Variants in ATP7B observed in about 807,000 individuals in gnomAD.
ATP7B encodes the protein copper-transporting ATPase 2.
Under a neutral mutation model 118.9 loss-of-function variants are expected in ATP7B, and 113 were observed. The ratio of observed to expected loss-of-function variants is 0.95; its 90% CI spans 0.82 to 1.11. The LOEUF (loss-of-function observed/expected upper bound fraction) is 1.11, where lower values mean the gene tolerates loss of function less well. ATP7B is among the 50% of genes most tolerant of loss of function. The pLI is 0.00. For missense variants in ATP7B, 1,867 were observed against 1,871.4 expected, an observed-to-expected ratio of 1.00 and a Z score of 0.04; for synonymous variants, 777 against 727.4, an observed-to-expected ratio of 1.07 and a Z score of -1.10.
intron 2 of ATP7B, among the ~76,000 whole-genome samples, chr13:51,971,753 G>C (rs1951853570): frequency 6.6e-6 from 1 of 152,256 alleles, no homozygotes; most frequent in African/African-American, 2.4e-5. Flanking sequence ...ACTCCCTTCA[G>C]CAGTAGGTGT....
At chr13:51,990,925 T>C (rs1006977890) in intron 1 of ATP7B, among the ~76,000 whole-genome samples, 1 of 152,156 alleles carries the variant, frequency 6.6e-6, no homozygotes, top group South Asian at 2.1e-4. Context: ...TCATCTCTAC[T>C]AAAAATACAA....
At chr13:51,970,160 T>C (rs1951768986) in intron 3 of ATP7B, among the ~76,000 whole-genome samples, 1 of 152,166 alleles carries the variant, frequency 6.6e-6, no homozygotes, top group African/African-American at 2.4e-5. Context: ...ATTCATTTTA[T>C]AGTAAGGGGT....
intron 3 of ATP7B, among the ~76,000 whole-genome samples, chr13:51,970,082 T>C (rs958164232): frequency 6.6e-6 from 1 of 152,208 alleles, no homozygotes; most frequent in Non-Finnish European, 1.5e-5. Context: ...ACAAACACTC[T>C]CTGGTTTACA....
chr13:51,994,138 G>A (rs766410695), intron 1 of ATP7B, among the ~76,000 whole-genome samples: 4 of 152,086 alleles, frequency 2.6e-5, no homozygotes, highest in Non-Finnish European at 5.9e-5. Context: ...AATGTTCACC[G>A]TATATTGTAT....
chr13:51,939,305 C>A (rs1490535097), intron 16 of ATP7B, 112 bp from the exon 17 acceptor site: 1 of 1,487,356 alleles, frequency 6.7e-7, no homozygotes, highest in East Asian at 2.4e-5. Flanking sequence ...AACAAAACAT[C>A]AAATTATATA....
intron 1 of ATP7B, among the ~76,000 whole-genome samples, chr13:51,997,114 C>T (rs964126673): frequency 6.6e-6 from 1 of 152,198 alleles, no homozygotes; most frequent in Non-Finnish European, 1.5e-5. Context: ...TCAGGTCTTG[C>T]TTATCTATGT....
intron 1 of ATP7B, among the ~76,000 whole-genome samples, chr13:51,998,673 T>C (rs1407234538): frequency 1.3e-5 from 2 of 152,194 alleles, no homozygotes; most frequent in Non-Finnish European, 2.9e-5. Context: ...CTTTACCTCC[T>C]ATTCGCCTTC....
At position 51,974,391 on chromosome 13, in the gene ATP7B, C is replaced by G. The variant is rs777846245; in HGVS notation, c.829G>C (p.Glu277Gln). Residue 277 changes from glutamate to glutamine, a missense_variant, in exon 2 of 21, where the codon GAA (glutamate) becomes CAA (glutamine). Glu to Gln is a conservative substitution (Grantham distance 29, BLOSUM62 2). Transcript: ENST00000242839. ...HCKSCVLNIEENIGQLLGVQS... is the reference protein window; with the variant it reads ...HCKSCVLNIEQNIGQLLGVQS... ...ACCCCTAGGAGCTGGCCAATATTTT[C>G]TTCAATATTCAAGACGCAAGACTTA... The G allele has an allele frequency of 4.3e-6, 7 of 1,613,988 alleles. No individual in the cohort carries two copies. The highest frequency in any genetic ancestry group is 1.7e-5 in the Admixed American group (1 of 60,024).
At chr13:51,977,063 C>T (rs1346749908) in intron 1 of ATP7B, among the ~76,000 whole-genome samples, 1 of 151,946 alleles carries the variant, frequency 6.6e-6, no homozygotes, top group African/African-American at 2.4e-5. Flanking sequence ...TTTGGGAGGC[C>T]GAGGCAGGAG....
At chr13:52,004,403 C>T (rs1272046422) in intron 1 of ATP7B, among the ~76,000 whole-genome samples, 3 of 152,200 alleles carry the variant, frequency 2.0e-5, no homozygotes, top group African/African-American at 7.2e-5. Context: ...CTTGTGTTAA[C>T]AAATCATTAA....
intron 12 of ATP7B, chr13:51,947,860 C>T (rs747169731): frequency 6.6e-6 from 1 of 152,140 alleles, no homozygotes; most frequent in South Asian, 2.1e-4. Context: ...CCTCATTTGC[C>T]AGCATCCTCC....
intron 9 of ATP7B, among the ~76,000 whole-genome samples, chr13:51,951,828 C>G (rs1387900375): frequency 1.3e-5 from 2 of 151,970 alleles, no homozygotes; most frequent in Non-Finnish European, 2.9e-5. Flanking sequence ...CTGTGAGTTA[C>G]ACATTGAAAA....
At position 51,944,305 on chromosome 13, in the gene ATP7B, C is replaced by T. The variant is rs749583347; in HGVS notation, c.3061-14G>A. The T allele has an allele frequency of 1.9e-6, 3 of 1,613,622 alleles. No individual in the cohort carries two copies. Among genetic ancestry groups the T allele is most frequent in the Admixed American group, 1.7e-5 (1 of 60,002 alleles). ...CACAGTCTTTATCTGCCAAAAACAA[C>T]CACAACTCACTGACCACAATACAGA... On this transcript the variant is annotated splice_polypyrimidine_tract_variant and intron_variant, in intron 13 of 20. Transcript: ENST00000242839.
chr13:51,975,419 C>T lies in ATP7B; in HGVS notation c.52-251G>A, dbSNP rs201962633. The T allele has an allele frequency of 3.0e-4, 197 of 656,544 alleles. 2 individuals carry two copies. Among genetic ancestry groups the T allele is most frequent in the Non-Finnish European group, 1.8e-4 (62 of 350,722 alleles). The allele number at this position is 656,544 out of a possible 1,614,324, so 40.7% of individuals were successfully genotyped here. The stretch of plus-strand genomic sequence containing the variant: ...TGAAATGTCGTTCTCACACAACAGA[C>T]GTGGAGGATTCTGAGGGAAAGAAGG... On this transcript the variant is annotated intron_variant, in intron 1 of 20. Coordinates refer to ENST00000242839, the MANE Select transcript of ATP7B (RefSeq NM_000053.4).
In ATP7B at chr13:51,992,979, CAAAAAAAAAAA is replaced by C. The variant is rs58319382; in HGVS notation, c.52-17822_52-17812del. On this transcript the variant is annotated intron_variant, in intron 1 of 20. Transcript: ENST00000242839. ...TGGATGACAGAGCAAGACTCTGTCT[CAAAAAAAAAAA>C]AAAAAAAAAAAAGATAATACAGATT... Among the ~76,000 whole-genome samples the C allele has an allele frequency of 1.1e-4, 7 of 62,946 alleles. No individual in the cohort carries two copies. In the East Asian group the frequency reaches 4.0e-3, roughly 36 times the overall value. The allele number at this position is 62,946 out of a possible 152,430, so 41.3% of individuals were successfully genotyped here.
chr13:51,991,169 G>T (rs1342676325), intron 1 of ATP7B, among the ~76,000 whole-genome samples: 1 of 151,744 alleles, frequency 6.6e-6, no homozygotes, highest in Non-Finnish European at 1.5e-5. Flanking sequence ...AAAATGCTAA[G>T]TCCACCACGT....
At chr13:51,950,783 G>T (rs1039362988) in intron 9 of ATP7B, among the ~76,000 whole-genome samples, 58 of 152,074 alleles carry the variant, frequency 3.8e-4, no homozygotes, top group South Asian at 4.1e-4. Context: ...TCTCTGGGAA[G>T]GTAACATTTA....
intron 2 of ATP7B, among the ~76,000 whole-genome samples, chr13:51,972,864 G>A (rs954829946): frequency 2.6e-5 from 4 of 152,152 alleles, no homozygotes; most frequent in Middle Eastern, 3.4e-3. Flanking sequence ...AAATGAGCCC[G>A]GTGTGGTGGT....
intron 1 of ATP7B, among the ~76,000 whole-genome samples, chr13:52,004,674 C>G (rs1010093049): frequency 7.2e-5 from 11 of 152,142 alleles, no homozygotes; most frequent in African/African-American, 2.4e-4. Context: ...ATCAATTATT[C>G]TCTTTGTTTT....
Sources: gnomAD v4.1 joint callset for allele counts (sites outside exome capture counted in the v4.1 genomes callset) on GRCh38, gnomAD v4.1.1 for gene constraint, MANE v1.5 for transcripts, NCBI Gene and HGNC (gene_info 2026-07-23, HGNC 2026-07-21) for gene names.